Variants in SHOC1 observed in about 807,000 individuals in gnomAD.
SHOC1 encodes shortage in chiasmata 1, also known as protein shortage in chiasmata 1 ortholog.
In SHOC1, 136 loss-of-function variants were observed where a neutral mutation model predicts 179.2. The ratio of observed to expected loss-of-function variants is 0.76; its 90% confidence interval spans 0.66 to 0.87. The LOEUF is 0.87. SHOC1 is among the 40% of genes least tolerant of loss of function. The pLI is 0.00. For synonymous variants in SHOC1, 489 were observed against 586.6 expected, an observed-to-expected ratio of 0.83 and a Z score of 2.41; for missense variants, 1,538 against 1,700.8, an observed-to-expected ratio of 0.90 and a Z score of 1.68.
chr9:111,714,757 CA>C, intron 16 of SHOC1, 134 bp from the exon 17 acceptor site: 2 of 776,568 alleles, frequency 2.6e-6, no homozygotes, highest in Non-Finnish European at 4.0e-6. Flanking sequence ...TGATTTTGAT[CA>C]AAGACACTAA....
rs952834154 is a variant in SHOC1 at position 111,737,291 on chromosome 9, C to T, written c.1417+989G>A. 1.1e-4 allele frequency among the ~76,000 whole-genome samples: 16 copies of T among 152,182 alleles called. 1 individual carries two copies. Among genetic ancestry groups the T allele is most frequent in the Admixed American group, 9.8e-4 (15 of 15,272 alleles). ...AATTCTTATTCAGATTCCTTATCTC[C>T]TTAGACCAATCTCCCAACATAGACA... On this transcript the variant is annotated intron_variant, in intron 12 of 27. Transcript: ENST00000682961.
intron 27 of SHOC1, among the ~76,000 whole-genome samples, chr9:111,689,605 AT>A (rs1157210434): frequency 3.4e-5 from 1 of 29,428 alleles, no homozygotes; most frequent in Non-Finnish European, 5.1e-5. Flanking sequence ...GGAAAAATAA[AT>A]TTTTTTTAAT....
intron 8 of SHOC1, among the ~76,000 whole-genome samples, chr9:111,753,906 G>A (rs978511346): frequency 3.0e-4 from 46 of 152,224 alleles, no homozygotes; most frequent in African/African-American, 1.0e-3. Flanking sequence ...GGGAAATGAG[G>A]AGAAGTTGGT....
intron 4 of SHOC1, 56 bp downstream of exon 4, chr9:111,780,874 T>G: frequency 8.2e-7 from 1 of 1,219,576 alleles, no homozygotes; most frequent in Non-Finnish European, 1.2e-6. Context: ...TCTGGAGAAC[T>G]TACTGTTTAT....
intron 11 of SHOC1, among the ~76,000 whole-genome samples, chr9:111,740,638 T>C (rs1833988067): frequency 6.6e-6 from 1 of 152,152 alleles, no homozygotes; most frequent in Non-Finnish European, 1.5e-5. Flanking sequence ...GCAGTGGTGA[T>C]CTCAGCTCTT....
chr9:111,752,911 A>G (rs1333416756), intron 8 of SHOC1, among the ~76,000 whole-genome samples: 1 of 152,170 alleles, frequency 6.6e-6, no homozygotes, highest in Non-Finnish European at 1.5e-5. Context: ...TAAGAAAAAA[A>G]TTGAATAAAA....
chr9:111,720,909 T>C (rs2131407337), intron 15 of SHOC1, among the ~76,000 whole-genome samples: 1 of 152,352 alleles, frequency 6.6e-6, no homozygotes, highest in Non-Finnish European at 1.5e-5. Flanking sequence ...GGGTTTGTTT[T>C]GATTTATTAT....
At chr9:111,764,120 A>G (rs560858025) in intron 5 of SHOC1, among the ~76,000 whole-genome samples, 2 of 152,180 alleles carry the variant, frequency 1.3e-5, no homozygotes, top group South Asian at 2.1e-4. Flanking sequence ...GTTCAGTCCC[A>G]CCAAAATGTG....
At chr9:111,764,782 A>G (rs1391552450) in intron 5 of SHOC1, among the ~76,000 whole-genome samples, 2 of 152,176 alleles carry the variant, frequency 1.3e-5, no homozygotes, top group African/African-American at 2.4e-5. Flanking sequence ...AAGAGTTAAA[A>G]GTGGTTGCCT....
intron 12 of SHOC1, among the ~76,000 whole-genome samples, chr9:111,731,851 A>G (rs1833585376): frequency 6.6e-6 from 1 of 152,212 alleles, no homozygotes; most frequent in Non-Finnish European, 1.5e-5. Context: ...AAATTATGAT[A>G]ATTCTAAAGT....
In SHOC1 at chr9:111,703,955, A is replaced by G. The variant is rs768014814; in HGVS notation, c.2893T>C (p.Ser965Pro). ...TCTGAACTTCCAAAGAGTTTCAATG[A>G]CTCACTGCAGCCTCTCTCTACTAGT... is the stretch of plus-strand genomic sequence containing the variant. ...ISLVERGCSE[S>P]LKLFGSSECY... Residue 965 changes from serine (S) to proline (P), a missense_variant, in exon 22 of 28, where the codon TCA (serine) becomes CCA (proline). Ser to Pro is a moderately conservative substitution (Grantham distance 74). Transcript: ENST00000682961. 18 of 1,606,218 alleles carry G rather than the reference A, an allele frequency of 1.1e-5. No homozygotes were observed. The South Asian group carries it at 1.9e-4, about 17-fold the overall frequency.
chr9:111,787,877 C>T (rs948595802), intron 2 of SHOC1, among the ~76,000 whole-genome samples: 2 of 152,160 alleles, frequency 1.3e-5, no homozygotes, highest in African/African-American at 2.4e-5. Flanking sequence ...CCACTCTGAT[C>T]AGTCAGCAGC....
At chr9:111,750,189 C>A (rs993993747) in intron 8 of SHOC1, among the ~76,000 whole-genome samples, 1 of 152,154 alleles carries the variant, frequency 6.6e-6, no homozygotes, top group African/African-American at 2.4e-5. Flanking sequence ...ACCTTACCAA[C>A]ATCTATTGTT....
chr9:111,757,168 T>G (rs185943990), intron 7 of SHOC1, among the ~76,000 whole-genome samples: 7 of 152,312 alleles, frequency 4.6e-5, no homozygotes, highest in Non-Finnish European at 1.0e-4. Flanking sequence ...AGTGCAGTGG[T>G]GCGATCTCAC....
chr9:111,711,768 C>T (rs552840595), intron 18 of SHOC1, among the ~76,000 whole-genome samples: 8 of 152,182 alleles, frequency 5.3e-5, no homozygotes, highest in Admixed American at 1.3e-4. Flanking sequence ...ATTGTTAAGA[C>T]GTCTTAAGAG....
chr9:111,691,918 T>C lies in SHOC1; in HGVS notation c.4059A>G (p.Gln1353=), dbSNP rs1299124477. 1 of 1,613,828 alleles carries C rather than the reference T, an allele frequency of 6.2e-7. No homozygotes were observed. The highest frequency in any genetic ancestry group is 8.5e-7 in the Non-Finnish European group (1 of 1,179,918). ...SDPIFSLEGT[Q]SPLHWNFKKN... ...TCTTAAAGTTCCAATGAAGAGGAGATTGAGTGCCCTCTAGTGAAAAGATAG... is the reference window on the plus strand; with the variant it reads ...TCTTAAAGTTCCAATGAAGAGGAGACTGAGTGCCCTCTAGTGAAAAGATAG... The change falls in exon 27 of 28, where the codon CAA becomes CAG. Residue 1353 remains glutamine, a synonymous_variant. Transcript: ENST00000682961.
At chr9:111,747,477 T>C (rs189372217) in intron 9 of SHOC1, among the ~76,000 whole-genome samples, 125 of 152,346 alleles carry the variant, frequency 8.2e-4, no homozygotes, top group African/African-American at 2.7e-3. Flanking sequence ...TATGAAATTT[T>C]ATTTACTGAG....
intron 5 of SHOC1, among the ~76,000 whole-genome samples, chr9:111,760,294 A>C (rs926383115): frequency 3.9e-5 from 6 of 152,170 alleles, no homozygotes; most frequent in Admixed American, 2.0e-4. Flanking sequence ...AATTCTACCA[A>C]GGTTGTTTAT....
At chr9:111,704,369 C>T (rs1832145809) in intron 21 of SHOC1, among the ~76,000 whole-genome samples, 2 of 152,002 alleles carry the variant, frequency 1.3e-5, no homozygotes, top group Non-Finnish European at 2.9e-5. Flanking sequence ...ACATTTTAAG[C>T]ACTTTTTATT....
Sources: gnomAD v4.1 joint callset for allele counts (sites outside exome capture counted in the v4.1 genomes callset) on GRCh38, gnomAD v4.1.1 for gene constraint, MANE v1.5 for transcripts, NCBI Gene and HGNC (gene_info 2026-07-23, HGNC 2026-07-21) for gene names.